DAB1: variants seen among roughly 807,000 people sequenced by gnomAD.
The protein encoded by DAB1 is disabled homolog 1.
A neutral mutation model predicts 64.6 loss-of-function variants in DAB1; 15 were observed. The ratio of observed to expected loss-of-function variants is 0.23; its 90% CI spans 0.16 to 0.36. The LOEUF (loss-of-function observed/expected upper bound fraction) is 0.36. DAB1 is among the 10% of genes least tolerant of loss of function. The pLI is 1.00. For missense variants in DAB1, 596 were observed against 706.7 expected, an observed-to-expected ratio of 0.84 and a Z score of 1.78; for synonymous variants, 235 against 251.9, an observed-to-expected ratio of 0.93 and a Z score of 0.64.
intron 5 of DAB1, among the ~76,000 whole-genome samples, chr1:58,079,453 A>G (rs1286703259): frequency 6.6e-6 from 1 of 150,968 alleles, no homozygotes; most frequent in Non-Finnish European, 1.5e-5. Context: ...AATTCCCAGC[A>G]CTTATGACAG....
chr1:58,469,843 A>G (rs1045381305), intron 3 of DAB1, among the ~76,000 whole-genome samples: 1 of 152,166 alleles, frequency 6.6e-6, no homozygotes, highest in African/African-American at 2.4e-5. Context: ...TTCCTTGGTG[A>G]GGTAGGAGGA....
upstream of DAB1, chr1:57,884,294 A>T (rs1644190627): frequency 6.6e-6 from 1 of 152,214 alleles, no homozygotes; most frequent in African/African-American, 2.4e-5. Context: ...TGTGCATGGT[A>T]CATGTAGGGT....
At chr1:57,083,673 G>A (rs1334456060) in intron 4 of DAB1, among the ~76,000 whole-genome samples, 1 of 152,192 alleles carries the variant, frequency 6.6e-6, no homozygotes, top group Non-Finnish European at 1.5e-5. Context: ...TGCAGCCAAT[G>A]GAAAGGATGC....
intron 7 of DAB1, among the ~76,000 whole-genome samples, chr1:57,517,915 T>C (rs1644481282): frequency 1.3e-5 from 2 of 152,226 alleles, no homozygotes; most frequent in Non-Finnish European, 2.9e-5. Flanking sequence ...GGCCACTTGG[T>C]TCAGCTTTCT....
At chr1:58,260,154 G>GATT (rs1192960009) in intron 4 of DAB1, among the ~76,000 whole-genome samples, 1 of 152,120 alleles carries the variant, frequency 6.6e-6, no homozygotes, top group Non-Finnish European at 1.5e-5. Flanking sequence ...AAAACTATGA[G>GATT]ATTATGTTCC....
intron 14 of DAB1, among the ~76,000 whole-genome samples, chr1:57,004,396 A>G (rs556063551): frequency 2.0e-5 from 3 of 152,354 alleles, no homozygotes; most frequent in African/African-American, 7.2e-5. Context: ...GTCAAAAGCA[A>G]TACATCTTAC....
At chr1:58,049,846 G>A (rs1647519590) in intron 5 of DAB1, among the ~76,000 whole-genome samples, 1 of 151,992 alleles carries the variant, frequency 6.6e-6, no homozygotes, top group Non-Finnish European at 1.5e-5. Flanking sequence ...ACACAGCAGT[G>A]AACAAAATAG....
chr1:58,163,021 C>A (rs990124555), intron 4 of DAB1, among the ~76,000 whole-genome samples: 1 of 152,174 alleles, frequency 6.6e-6, no homozygotes, highest in Non-Finnish European at 1.5e-5. Context: ...CACGAGACAC[C>A]ATCCCCCAAG....
chr1:57,071,438 G>A (rs1651449167), intron 6 of DAB1, 84 bp downstream of exon 6: 7 of 1,473,250 alleles, frequency 4.8e-6, no homozygotes, highest in East Asian at 2.3e-5. Flanking sequence ...CTTGGCAGCA[G>A]GAAGAGAAGG....
chr1:57,464,381 A>G (rs1241916482), intron 7 of DAB1, among the ~76,000 whole-genome samples: 1 of 152,120 alleles, frequency 6.6e-6, no homozygotes, highest in African/African-American at 2.4e-5. Flanking sequence ...TCCAGTTTCC[A>G]TTTAAAAATC....
At chr1:57,605,955 G>A (rs1290857523) in intron 7 of DAB1, 4 of 688,276 alleles carry the variant, frequency 5.8e-6, no homozygotes, top group African/African-American at 1.8e-5. Flanking sequence ...GTCACTTGTG[G>A]ATTCTCATCT....
chr1:58,252,419 T>A (rs774549791), intron 4 of DAB1, among the ~76,000 whole-genome samples: 22 of 152,210 alleles, frequency 1.4e-4, no homozygotes, highest in Non-Finnish European at 2.9e-4. Context: ...GTTAGAAGCA[T>A]GCAGGACATC....
intron 1 of DAB1, chr1:58,536,867 A>G: frequency 1.6e-6 from 1 of 607,016 alleles, no homozygotes; most frequent in Non-Finnish European, 2.9e-6. Context: ...TTCGCTGAAT[A>G]CATCGCTTTT....
At chr1:57,300,666 C>T (rs115483626) in intron 1 of DAB1, among the ~76,000 whole-genome samples, 2,642 of 152,242 alleles carry the variant, frequency 0.017, 77 homozygotes, top group African/African-American at 0.061. Context: ...CAGTGAGGCG[C>T]TTGAAACGGA....
At chr1:57,112,058 A>G (rs1270574671) in intron 4 of DAB1, among the ~76,000 whole-genome samples, 2 of 152,344 alleles carry the variant, frequency 1.3e-5, no homozygotes, top group East Asian at 3.9e-4. Context: ...TATCTAACAC[A>G]TAAAAGTCCG....
rs77426229 is a variant in DAB1 at position 57,532,481 on chromosome 1, C to G, written n.625+117111G>C. 6.5e-3 allele frequency among the ~76,000 whole-genome samples: 991 copies of G among 152,306 alleles called. 12 individuals are homozygous for G. Among genetic ancestry groups the G allele is most frequent in the African/African-American group, 0.023 (948 of 41,580 alleles). ...TTTATCTTTCCCATTTGGAAGCCAT[C>G]TGAGGGCAGAGCCTGCAAGGAGCCT... On this transcript the variant is annotated intron_variant and non_coding_transcript_variant, in intron 7 of 20. Transcript: ENST00000485760.
intron 2 of DAB1, among the ~76,000 whole-genome samples, chr1:57,236,951 A>C (rs957234552): frequency 6.6e-6 from 1 of 152,218 alleles, no homozygotes. Flanking sequence ...AGCAGTTAAA[A>C]TGTGGCAAGC....
At chr1:57,018,637 A>G (rs186506773) in intron 11 of DAB1, among the ~76,000 whole-genome samples, 1 of 152,172 alleles carries the variant, frequency 6.6e-6, no homozygotes, top group African/African-American at 2.4e-5. Flanking sequence ...CCTGATGCCC[A>G]TTTTGGTGAA....
upstream of DAB1, among the ~76,000 whole-genome samples, chr1:57,427,270 T>C (rs935964533): frequency 3.6e-4 from 55 of 152,240 alleles, no homozygotes; most frequent in African/African-American, 1.2e-3. Flanking sequence ...CAGGCATTTA[T>C]GGAGTCCATT....
Sources: allele counts gnomAD v4.1 joint callset (sites outside exome capture counted in the v4.1 genomes callset), GRCh38; gene constraint gnomAD v4.1.1; transcripts MANE v1.5; gene names NCBI Gene and HGNC (gene_info 2026-07-23, HGNC 2026-07-21).